Variants in PGR observed in about 807,000 individuals in gnomAD.
The protein encoded by PGR is progesterone receptor, also known as nuclear receptor subfamily 3 group C member 3.
Under a neutral mutation model 76.1 loss-of-function variants are expected in PGR, and 25 were observed. That is an observed-to-expected ratio of 0.33 (90% CI 0.24 to 0.46). The LOEUF (loss-of-function observed/expected upper bound fraction) is 0.46. PGR is among the 20% of genes least tolerant of loss of function. The probability of loss-of-function intolerance (pLI) is 1.00; values close to 1 mark genes in which losing one functional copy is unlikely to be tolerated. For missense variants in PGR, 1,172 were observed against 1,225.3 expected, an observed-to-expected ratio of 0.96 and a Z score of 0.65; for synonymous variants, 579 against 535.0, an observed-to-expected ratio of 1.08 and a Z score of -1.14.
intron 2 of PGR, among the ~76,000 whole-genome samples, chr11:101,093,706 G>A (rs963555012): frequency 2.6e-5 from 4 of 152,072 alleles, no homozygotes; most frequent in East Asian, 1.9e-4. Context: ...TGATCTGCCC[G>A]CCTTGGCCTC....
At chr11:101,083,156 G>A (rs770070125) in intron 3 of PGR, among the ~76,000 whole-genome samples, 1 of 152,202 alleles carries the variant, frequency 6.6e-6, no homozygotes, top group African/African-American at 2.4e-5. Context: ...TACAGCTTGG[G>A]CCAGGGCTTC....
intron 2 of PGR, among the ~76,000 whole-genome samples, chr11:101,117,563 T>C (rs1862549969): frequency 6.6e-6 from 1 of 152,102 alleles, no homozygotes; most frequent in Non-Finnish European, 1.5e-5. Context: ...CCCAAGACTA[T>C]AAATACATAC....
At position 101,029,649 on chromosome 11, in the gene PGR, C is replaced by T; in HGVS notation, c.*9467G>A. The T allele has an allele frequency of 5.2e-6, 1 of 192,832 alleles. No homozygotes were observed. The highest frequency in any genetic ancestry group is 1.1e-5 in the Non-Finnish European group (1 of 92,428). The allele number at this position is 192,832 out of a possible 1,614,324, so 11.9% of individuals were successfully genotyped here. ...TAGAAATTAGTTTATTCTTTATTAT[C>T]ACACAGAATAACAAGAATTAGAGTT... On this transcript the variant is annotated 3_prime_UTR_variant, in exon 8 of 8. Coordinates refer to ENST00000325455, the MANE Select transcript of PGR (RefSeq NM_000926.4).
chr11:101,128,178 G>C lies in PGR; in HGVS notation c.893C>G (p.Thr298Ser). The C allele has an allele frequency of 6.3e-7, 1 of 1,597,922 alleles. No homozygotes were observed. Among genetic ancestry groups the C allele is most frequent in the Non-Finnish European group, 8.5e-7 (1 of 1,179,532 alleles). ...CACGTGGATGAAATCCATCACCGTGGTGGCCAGCGGGGAGCGCCCGGGCGC... is the reference window on the plus strand; with the variant it reads ...CACGTGGATGAAATCCATCACCGTGCTGGCCAGCGGGGAGCGCCCGGGCGC... Reference protein sequence around the residue: ...PMAPGRSPLATTVMDFIHVPI... With the variant: ...PMAPGRSPLASTVMDFIHVPI... Residue 298 changes from threonine to serine, a missense_variant, in exon 1 of 8, where the codon ACC (threonine) becomes AGC (serine). Transcript: ENST00000325455.
At chr11:101,076,628 T>C (rs1300645642) in intron 3 of PGR, among the ~76,000 whole-genome samples, 1 of 152,004 alleles carries the variant, frequency 6.6e-6, no homozygotes, top group Non-Finnish European at 1.5e-5. Context: ...GATGATACTA[T>C]GAGAAGAAAT....
At chr11:101,103,835 T>C in intron 2 of PGR, among the ~76,000 whole-genome samples, 1 of 152,242 alleles carries the variant, frequency 6.6e-6, no homozygotes, top group East Asian at 1.9e-4. Context: ...GTGAGTCCTT[T>C]TGATCTAAAA....
In PGR at chr11:101,037,187, T is replaced by C. The variant is rs541539920; in HGVS notation, c.*1929A>G. On this transcript the variant is annotated 3_prime_UTR_variant, in exon 8 of 8. Transcript: ENST00000325455. ...AATTACTGACACATAAAGGTGTTAT[T>C]TAATATTTAAAGTTAGTACCTTTGT... The C allele has an allele frequency of 1.9e-5, 4 of 209,730 alleles. No homozygotes were observed. The South Asian group carries it at 7.5e-4, about 40-fold the overall frequency. The allele number at this position is 209,730 out of a possible 1,614,324, so 13.0% of individuals were successfully genotyped here.
intron 6 of PGR, among the ~76,000 whole-genome samples, chr11:101,046,725 T>C (rs895206301): frequency 6.6e-6 from 1 of 152,136 alleles, no homozygotes; most frequent in Non-Finnish European, 1.5e-5. Flanking sequence ...TAATTTGAGC[T>C]ACATATCCAA....
chr11:101,046,064 A>G (rs938169458), intron 6 of PGR, among the ~76,000 whole-genome samples: 1 of 151,522 alleles, frequency 6.6e-6, no homozygotes, highest in Non-Finnish European at 1.5e-5. Flanking sequence ...TTTTTTCTTA[A>G]TTTTTCATAG....
intron 2 of PGR, among the ~76,000 whole-genome samples, chr11:101,108,318 T>C (rs1040310998): frequency 2.6e-5 from 4 of 151,024 alleles, no homozygotes; most frequent in Admixed American, 6.6e-5. Context: ...TTTGGGAGGA[T>C]TGCTTGAGGC....
At chr11:101,090,346 T>A (rs767233447) in intron 3 of PGR, among the ~76,000 whole-genome samples, 1 of 152,318 alleles carries the variant, frequency 6.6e-6, no homozygotes, top group Middle Eastern at 3.4e-3. Context: ...TTTAAAGTCA[T>A]TGGGAAAACA....
chr11:101,031,678 T>A lies in PGR; in HGVS notation c.*7438A>T, dbSNP rs145693958. On this transcript the variant is annotated 3_prime_UTR_variant, in exon 8 of 8. Coordinates refer to ENST00000325455, the MANE Select transcript of PGR (RefSeq NM_000926.4). ...TATTTGATCATGACATCATTATTTG[T>A]ATACAATGCAGCAAGAATTTTGTTT... 560 of 222,010 alleles carry A rather than the reference T, an allele frequency of 2.5e-3. 6 individuals carry two copies. The highest frequency in any genetic ancestry group is 0.012 in the African/African-American group (522 of 44,746). 13.8% of individuals were successfully genotyped at this position (222,010 alleles called of 1,614,324 possible).
chr11:101,073,411 T>C (rs1861014513), intron 3 of PGR, among the ~76,000 whole-genome samples: 1 of 151,594 alleles, frequency 6.6e-6, no homozygotes, highest in Non-Finnish European at 1.5e-5. Flanking sequence ...ATATCACAAT[T>C]AAAAGAACTA....
rs1862946133 is a variant in PGR at position 101,128,187 on chromosome 11, G to C, written c.884C>G (p.Pro295Arg). ...GAAATCCATCACCGTGGTGGCCAGCGGGGAGCGCCCGGGCGCCATCGGCGC... is the reference window on the plus strand; with the variant it reads ...GAAATCCATCACCGTGGTGGCCAGCCGGGAGCGCCCGGGCGCCATCGGCGC... ...QDAPMAPGRS[P>R]LATTVMDFIH... The change falls in exon 1 of 8, where the codon CCG becomes CGG. Residue 295 changes from proline to arginine, a missense_variant. By Grantham distance (103) the Pro-to-Arg change is moderately radical (BLOSUM62 -2). Around this residue, in one of 4 missense-constraint regions of PGR, gnomAD observed 893 missense variants for 785.9 expected, o/e 1.14. Transcript: ENST00000325455. The C allele has an allele frequency of 6.3e-7, 1 of 1,598,500 alleles. No homozygotes were observed. The highest frequency in any genetic ancestry group is 8.5e-7 in the Non-Finnish European group (1 of 1,179,700).
chr11:101,127,554 C>CCGG lies in PGR; in HGVS notation c.1514_1516dup (p.Ala505dup), dbSNP rs766303231. ...TGCAGGGTAGAGCGCGGGGGCCGCC[C>CCGG]CGGCGGCGGCGGCAGAGGCGGAGGT... On this transcript the variant is annotated inframe_insertion, in exon 1 of 8. Transcript: ENST00000325455. 1.4e-4 allele frequency: 189 copies of CCGG among 1,388,996 alleles called. No individual in the cohort carries two copies. The highest frequency in any genetic ancestry group is 1.5e-4 in the Non-Finnish European group (162 of 1,069,760). 86.0% of individuals were successfully genotyped at this position (1,388,996 alleles called of 1,614,324 possible).
intron 2 of PGR, among the ~76,000 whole-genome samples, chr11:101,096,630 C>T (rs564959074): frequency 1.3e-5 from 2 of 152,056 alleles, no homozygotes; most frequent in African/African-American, 2.4e-5. Context: ...GTGCATTAGC[C>T]CTGTCACAAC....
intron 3 of PGR, among the ~76,000 whole-genome samples, chr11:101,076,980 C>A (rs868866994): frequency 2.0e-5 from 2 of 100,082 alleles, no homozygotes; most frequent in Non-Finnish European, 4.3e-5. Context: ...CTCATAATTA[C>A]CTCTTTTCCA....
rs1342055706 is a variant in PGR at position 101,061,488 on chromosome 11, CTG to C, written c.2212+957_2212+958del. On this transcript the variant is annotated intron_variant, in intron 4 of 7. Transcript: ENST00000325455. ...TCAAACCTTTTAGGTAGAATAATAA[CTG>C]AGAATTATATTAAGGAGAATTGGGA... is the stretch of plus-strand genomic sequence containing the variant. Among the ~76,000 whole-genome samples, 6 of 152,106 alleles carry C rather than the reference CTG, an allele frequency of 3.9e-5. No homozygotes were observed. In the East Asian group the frequency reaches 1.2e-3, roughly 29 times the overall value.
At position 101,128,475 on chromosome 11, in the gene PGR, G is replaced by T. The variant is rs1365162762; in HGVS notation, c.596C>A (p.Ala199Asp). 4 of 1,607,610 alleles carry T rather than the reference G, an allele frequency of 2.5e-6. No homozygotes were observed. The highest frequency in any genetic ancestry group is 1.7e-5 in the Admixed American group (1 of 59,962). ...LSPARQLLLP[A>D]SESPHWSGAP... ...CCCGGACCAGTGAGGGCTCTCAGAG[G>T]CCGGGAGCAGCAGCTGCCGGGCTGG... Residue 199 changes from alanine (A) to aspartate (D), a missense_variant, in exon 1 of 8, where the codon GCC (alanine) becomes GAC (aspartate). Physicochemically the swap from Ala to Asp is moderately radical, Grantham distance 126 (BLOSUM62 -2). Around this residue, in one of 4 missense-constraint regions of PGR, gnomAD observed 893 missense variants for 785.9 expected, o/e 1.14. Coordinates refer to ENST00000325455, the MANE Select transcript of PGR (RefSeq NM_000926.4).
Sources: gnomAD v4.1 joint callset for allele counts (sites outside exome capture counted in the v4.1 genomes callset) on GRCh38, gnomAD v4.1.1 for gene constraint, gnomAD v4.1.1 regional missense constraint, MANE v1.5 for transcripts, NCBI Gene and HGNC (gene_info 2026-07-23, HGNC 2026-07-21) for gene names.